DMXL2: variants seen among roughly 807,000 people sequenced by gnomAD.
The protein encoded by DMXL2 is Dmx like 2.
A neutral mutation model predicts 331.1 loss-of-function variants in DMXL2; 103 were observed. The observed-to-expected ratio is 0.31, with a 90% CI of 0.27 to 0.37. The LOEUF (loss-of-function observed/expected upper bound fraction) is 0.37, where lower values mean the gene tolerates loss of function less well. Among genes scored for constraint, DMXL2 ranks in the 10% least tolerant of loss-of-function variants. The pLI is 1.00. For synonymous variants in DMXL2, 1,281 were observed against 1,252.1 expected (o/e 1.02, Z -0.49); for missense variants, 3,171 against 3,642.9 (o/e 0.87, Z 3.33).
chr15:51,458,439 A>G lies in DMXL2; in HGVS notation c.8198+67T>C, dbSNP rs577227965. 2.2e-5 allele frequency: 33 copies of G among 1,517,596 alleles called. No homozygotes were observed. In the African/African-American group the frequency reaches 4.4e-4, roughly 20 times the overall value. The allele number at this position is 1,517,596 out of a possible 1,614,324, so 94.0% of individuals were successfully genotyped here. On this transcript the variant is annotated intron_variant, in intron 36 of 43. Transcript: ENST00000560891. ...TATACCTTTTGAAATAATTCAAATC[A>G]TGTGCATAACCATTTGGTGGGTACT...
Position 51,611,315 on chromosome 15 carries a change from C to T in DMXL2, c.87+11144G>A, listed in dbSNP as rs1330571014. On this transcript the variant is annotated intron_variant, in intron 1 of 43. Coordinates refer to ENST00000560891, the MANE Select transcript of DMXL2 (RefSeq NM_001378457.1). ...GCAGACCTAAGAAGATATTAAGAGG[C>T]CGCTGTGAACAACTTTATACTCATA... Among the ~76,000 whole-genome samples, 3 of 152,020 alleles carry T rather than the reference C, an allele frequency of 2.0e-5. No individual in the cohort carries two copies. The East Asian group carries it at 5.8e-4, about 29-fold the overall frequency.
chr15:51,487,903 T>C (rs758685443), intron 22 of DMXL2, 51 bp downstream of exon 22: 112 of 1,437,686 alleles, frequency 7.8e-5, no homozygotes, highest in Middle Eastern at 2.1e-4. Context: ...ACAACCTTCT[T>C]AGGTTTTCAA....
chr15:51,474,307 A>T, intron 28 of DMXL2, 37 bp downstream of exon 28: 1 of 1,531,194 alleles, frequency 6.5e-7, no homozygotes, highest in South Asian at 1.3e-5. Context: ...AAAATGATTA[A>T]CATTTACATA....
intron 9 of DMXL2, among the ~76,000 whole-genome samples, 172 bp downstream of exon 9, chr15:51,542,161 C>A (rs1004035486): frequency 6.6e-6 from 1 of 152,112 alleles, no homozygotes; most frequent in African/African-American, 2.4e-5. Flanking sequence ...CACATAGTCC[C>A]AATCACATAG....
rs1368259788 is a variant in DMXL2, at chr15:51,524,961, T to C, written c.2437-7794A>G. The stretch of plus-strand genomic sequence containing the variant: ...TCATCCCTTCCCTAACCCCAGGCTG[T>C]ACAACTCACGGCTCCAAAGGAGACT... On this transcript the variant is annotated intron_variant, in intron 13 of 43. Coordinates refer to ENST00000560891, the MANE Select transcript of DMXL2 (RefSeq NM_001378457.1). Among the ~76,000 whole-genome samples the C allele has an allele frequency of 2.0e-5, 3 of 151,698 alleles. No individual in the cohort carries two copies. The East Asian group carries it at 5.8e-4, about 30-fold the overall frequency.
At chr15:51,458,442 T>C in intron 36 of DMXL2, 64 bp downstream of exon 36, 2 of 1,536,840 alleles carry the variant, frequency 1.3e-6, no homozygotes, top group Non-Finnish European at 1.8e-6. Context: ...TCAAATCATG[T>C]GCATAACCAT....
chr15:51,500,380 C>G (rs1461545076), intron 17 of DMXL2, 149 bp from the exon 18 acceptor site: 2 of 811,406 alleles, frequency 2.5e-6, no homozygotes, highest in Non-Finnish European at 3.7e-6. Flanking sequence ...ACTAGTATCC[C>G]ACTAAATGTC....
In DMXL2 at chr15:51,538,365, A is replaced by C; in HGVS notation, c.1193T>G (p.Phe398Cys). The change falls in exon 10 of 44, where the codon TTT becomes TGT. Residue 398 changes from phenylalanine to cysteine, a missense_variant. This residue lies in a region of DMXL2 where 1,674 missense variants were observed against 1,780.2 expected (regional missense o/e 0.94). Transcript: ENST00000560891. ...TACTTCTGTAGATGATGTAAAATGA[A>C]ATTCCTTGTTGTTTAACCAATGAAC... ...FVVHWLNNKE[F>C]HFTSSTEVFM... 6.2e-7 allele frequency: 1 copy of C among 1,613,766 alleles called. No individual in the cohort carries two copies. The highest frequency in any genetic ancestry group is 8.5e-7 in the Non-Finnish European group (1 of 1,179,764).
intron 7 of DMXL2, among the ~76,000 whole-genome samples, chr15:51,546,780 G>A (rs1449856952): frequency 6.6e-6 from 1 of 151,946 alleles, no homozygotes; most frequent in Non-Finnish European, 1.5e-5. Context: ...TTTTTTCAGA[G>A]TACATTATAT....
chr15:51,563,546 C>T, intron 5 of DMXL2, 99 bp from the exon 6 acceptor site: 2 of 714,286 alleles, frequency 2.8e-6, no homozygotes, highest in East Asian at 3.1e-5. Context: ...AAGTCAGAAT[C>T]CTCAGAATAA....
At chr15:51,567,684 C>T (rs957675444) in intron 3 of DMXL2, 2 of 152,162 alleles carry the variant, frequency 1.3e-5, no homozygotes, top group African/African-American at 4.8e-5. Context: ...AGAGTAGAAC[C>T]AGAGAGGACA....
At position 51,622,623 on chromosome 15, in the gene DMXL2, C is replaced by G. The variant is rs967151053; in HGVS notation, c.-78G>C. 61 of 1,488,002 alleles carry G rather than the reference C, an allele frequency of 4.1e-5. No individual in the cohort carries two copies. The highest frequency in any genetic ancestry group is 2.7e-5 in the Non-Finnish European group (30 of 1,113,706). 92.2% of individuals were successfully genotyped at this position (1,488,002 alleles called of 1,614,324 possible). On this transcript the variant is annotated 5_prime_UTR_variant, in exon 1 of 44. Coordinates refer to ENST00000560891, the MANE Select transcript of DMXL2 (RefSeq NM_001378457.1). ...CTGACCCTCCTCGGGCTGCGAGAGC[C>G]GTTTCCCTCTGTGCCTCCCTCGGAA...
At chr15:51,486,939 T>C (rs1368654775) in intron 22 of DMXL2, among the ~76,000 whole-genome samples, 1 of 152,148 alleles carries the variant, frequency 6.6e-6, no homozygotes, top group Admixed American at 6.5e-5. Context: ...GAAACTCATA[T>C]GCCTGGGATA....
rs1039329505 is a variant in DMXL2, at chr15:51,453,617, T to C, written c.8629A>G (p.Thr2877Ala). ...YMSWQCHSKA[T>A]SDFAFITSSS... ...GAGGTAATAAATGCAAAGTCACTTG[T>C]GGCTTTACTGTGGCACTGCCAACTC... is the stretch of plus-strand genomic sequence containing the variant. Residue 2877 changes from threonine (T) to alanine (A), a missense_variant, in exon 41 of 44, where the codon ACA (threonine) becomes GCA (alanine). Physicochemically the swap from Thr to Ala is moderately conservative, Grantham distance 58. Transcript: ENST00000560891. 2 of 1,613,708 alleles carry C rather than the reference T, an allele frequency of 1.2e-6. No individual in the cohort carries two copies. Among genetic ancestry groups the C allele is most frequent in the African/African-American group, 2.7e-5 (2 of 74,922 alleles).
chr15:51,536,356 T>G lies in DMXL2; in HGVS notation c.2124A>C (p.Arg708Ser). 1 of 1,613,876 alleles carries G rather than the reference T, an allele frequency of 6.2e-7. No homozygotes were observed. The highest frequency in any genetic ancestry group is 8.5e-7 in the Non-Finnish European group (1 of 1,179,894). Residue 708 changes from arginine to serine, a missense_variant, in exon 12 of 44, where the codon AGA (arginine) becomes AGC (serine). Around this residue, in one of 7 missense-constraint regions of DMXL2, gnomAD observed 1,674 missense variants for 1,780.2 expected, o/e 0.94. Coordinates refer to ENST00000560891, the MANE Select transcript of DMXL2 (RefSeq NM_001378457.1). ...HIKGSSKQPL[R>S]NAATRTFHDP... ...CATGAAATGTACGAGTTGCTGCATT[T>G]CTAAGAGGTTGTTTCGAGGAACCTT...
At chr15:51,514,696 A>G in intron 14 of DMXL2, 137 bp from the exon 15 acceptor site, 1 of 605,826 alleles carries the variant, frequency 1.7e-6, no homozygotes, top group African/African-American at 2.0e-5. Context: ...CTAATTAGAA[A>G]GAAAAAAGCA....
chr15:51,616,954 A>C (rs1220541259), intron 1 of DMXL2, among the ~76,000 whole-genome samples: 2 of 151,518 alleles, frequency 1.3e-5, no homozygotes, highest in Middle Eastern at 3.2e-3. Flanking sequence ...AAAAAAAAAA[A>C]AAAAAACTGA....
intron 2 of DMXL2, among the ~76,000 whole-genome samples, chr15:51,573,459 A>G (rs1358613927): frequency 2.0e-5 from 3 of 152,252 alleles, no homozygotes; most frequent in African/African-American, 4.8e-5. Context: ...ATGCCCATCA[A>G]TGATAGACTG....
intron 1 of DMXL2, among the ~76,000 whole-genome samples, chr15:51,610,569 C>G (rs969626667): frequency 1.3e-5 from 2 of 152,126 alleles, no homozygotes; most frequent in African/African-American, 2.4e-5. Context: ...GAGATCGAGA[C>G]CATCCTGGCT....
Sources: gnomAD v4.1 joint callset for allele counts (sites outside exome capture counted in the v4.1 genomes callset) on GRCh38, gnomAD v4.1.1 for gene constraint, gnomAD v4.1.1 regional missense constraint, MANE v1.5 for transcripts, NCBI Gene and HGNC (gene_info 2026-07-23, HGNC 2026-07-21) for gene names.